TWSG1: variants seen among roughly 807,000 people sequenced by gnomAD.
TWSG1 encodes the protein twisted gastrulation BMP signaling modulator 1.
A neutral mutation model predicts 23.0 loss-of-function variants in TWSG1; 15 were observed. The observed-to-expected ratio is 0.65, with a 90% CI of 0.44 to 1.00. TWSG1 has a LOEUF of 1.00. TWSG1 is among the 50% of genes least tolerant of loss of function. TWSG1 has a pLI of 0.00. For synonymous variants in TWSG1, 86 were observed against 92.8 expected (o/e 0.93, Z 0.42); for missense variants, 242 against 278.7 (o/e 0.87, Z 0.94).
intron 3 of TWSG1, among the ~76,000 whole-genome samples, chr18:9,364,224 C>T (rs1299384470): frequency 6.6e-6 from 1 of 152,124 alleles, no homozygotes; most frequent in African/African-American, 2.4e-5. Flanking sequence ...GGTTATTTAA[C>T]TTGTTAGTTG....
rs189340419 is a variant in TWSG1, at chr18:9,359,969, T to C, written c.124-3T>C. On this transcript the variant is annotated splice_region_variant and splice_polypyrimidine_tract_variant and intron_variant, in intron 2 of 4. Coordinates refer to ENST00000262120, the MANE Select transcript of TWSG1 (RefSeq NM_020648.6). ...TGAAGTTTAACATCTGTCTTGTTTC[T>C]AGGAGCTCTGCCAGTGCCGGCCGGG... The C allele has an allele frequency of 1.2e-4, 192 of 1,612,396 alleles. 2 individuals are homozygous for C. In the East Asian group the frequency reaches 4.1e-3, roughly 35 times the overall value.
Position 9,399,624 on chromosome 18 carries a change from A to C in TWSG1, c.*97A>C. The C allele has an allele frequency of 9.0e-7, 1 of 1,114,678 alleles. No homozygotes were observed. Among genetic ancestry groups the C allele is most frequent in the African/African-American group, 1.6e-5 (1 of 62,872 alleles). 69.0% of individuals were successfully genotyped at this position (1,114,678 alleles called of 1,614,324 possible). ...TTGTATCTTGTATCAGAATCCCAGT[A>C]AGTTAAGTTGTAAAGACTTTGGAAT... is the stretch of plus-strand genomic sequence containing the variant. On this transcript the variant is annotated 3_prime_UTR_variant, in exon 5 of 5. Coordinates refer to ENST00000262120, the MANE Select transcript of TWSG1 (RefSeq NM_020648.6).
intron 2 of TWSG1, among the ~76,000 whole-genome samples, chr18:9,354,980 G>C (rs982871328): frequency 2.0e-5 from 3 of 151,356 alleles, no homozygotes; most frequent in Non-Finnish European, 2.9e-5. Flanking sequence ...TTTTGAGACA[G>C]AGTCTCGCTC....
Position 9,360,008 on chromosome 18 carries a change from T to C in TWSG1, c.160T>C (p.Ser54Pro). 5 of 1,613,764 alleles carry C rather than the reference T, an allele frequency of 3.1e-6. No individual in the cohort carries two copies. The highest frequency in any genetic ancestry group is 2.5e-6 in the Non-Finnish European group (3 of 1,179,744). ...GTGCCGGCCGGGAGAAGGCAATTGC[T>C]CCTGCTGTAAGGAGTGCATGCTGTG... ...CQCRPGEGNC[S>P]CCKECMLCLG... is the part of the protein sequence containing the mutation. Residue 54 changes from serine to proline, a missense_variant, in exon 3 of 5, where the codon TCC becomes CCC. Coordinates refer to ENST00000262120, the MANE Select transcript of TWSG1 (RefSeq NM_020648.6).
chr18:9,367,825 G>C (rs2040587016), intron 3 of TWSG1, among the ~76,000 whole-genome samples: 1 of 152,116 alleles, frequency 6.6e-6, no homozygotes, highest in African/African-American at 2.4e-5. Flanking sequence ...TTTTAAGGCT[G>C]AATAGTATTC....
intron 3 of TWSG1, among the ~76,000 whole-genome samples, chr18:9,371,703 A>G (rs1474228372): frequency 6.6e-6 from 1 of 152,216 alleles, no homozygotes; most frequent in Non-Finnish European, 1.5e-5. Flanking sequence ...GACATTTTAA[A>G]AAGAAGTTCT....
chr18:9,368,197 TTTTTG>T (rs2040588453), intron 3 of TWSG1, among the ~76,000 whole-genome samples: 1 of 152,036 alleles, frequency 6.6e-6, no homozygotes, highest in Non-Finnish European at 1.5e-5. Flanking sequence ...TGTGGTGTTT[TTTTTG>T]TTTTGTTTTG....
At chr18:9,355,646 G>T (rs964482666) in intron 2 of TWSG1, among the ~76,000 whole-genome samples, 2 of 152,182 alleles carry the variant, frequency 1.3e-5, no homozygotes, top group African/African-American at 4.8e-5. Flanking sequence ...AAAAACAGTA[G>T]TCATAGAGTA....
rs567815149 is a variant in TWSG1 at position 9,393,020 on chromosome 18, G to A, written c.224-3260G>A. Among the ~76,000 whole-genome samples, 3 of 152,268 alleles carry A rather than the reference G, an allele frequency of 2.0e-5. No homozygotes were observed. In the East Asian group the frequency reaches 5.8e-4, roughly 29 times the overall value. On this transcript the variant is annotated intron_variant, in intron 3 of 4. Transcript: ENST00000262120. ...ATTACAATAGTAACATCAAAGATTA[G>A]TAATCACAGATCGCCATAACTGTTA...
chr18:9,386,033 G>C (rs1307029201), intron 3 of TWSG1, among the ~76,000 whole-genome samples: 3 of 151,904 alleles, frequency 2.0e-5, no homozygotes, highest in African/African-American at 7.3e-5. Flanking sequence ...GCTAGGCGTG[G>C]TGGCGCATGC....
At position 9,360,200 on chromosome 18, in the gene TWSG1, C is replaced by G. The variant is rs981496589; in HGVS notation, c.223+129C>G. 4 of 613,406 alleles carry G rather than the reference C, an allele frequency of 6.5e-6. No individual in the cohort carries two copies. The South Asian group carries it at 9.7e-5, about 15-fold the overall frequency. The allele number at this position is 613,406 out of a possible 1,614,324, so 38.0% of individuals were successfully genotyped here. A position where few individuals can be genotyped will look rare whatever the true frequency, so the allele number is the denominator to read the frequency against. On this transcript the variant is annotated intron_variant, in intron 3 of 4. Transcript: ENST00000262120. ...ATGTGTGTGAAATATAGTAAACATA[C>G]AGAACATTGTATTTTTACATTCAAT...
intron 3 of TWSG1, among the ~76,000 whole-genome samples, 174 bp from the exon 4 acceptor site, chr18:9,396,106 G>A (rs1156872298): frequency 7.4e-6 from 1 of 135,542 alleles, no homozygotes; most frequent in African/African-American, 2.9e-5. Flanking sequence ...TATGCTTGAA[G>A]CTACTGGGGT....
chr18:9,383,781 A>T (rs969780120), intron 3 of TWSG1, among the ~76,000 whole-genome samples: 3 of 152,210 alleles, frequency 2.0e-5, no homozygotes, highest in Non-Finnish European at 4.4e-5. Context: ...AATCAGTATC[A>T]TTAAGGAATT....
rs1338770754 is a variant in TWSG1, at chr18:9,385,552, G to A, written c.224-10728G>A. Among the ~76,000 whole-genome samples the A allele has an allele frequency of 6.3e-5, 6 of 95,520 alleles. 2 individuals carry two copies. The highest frequency in any genetic ancestry group is 2.4e-4 in the East Asian group (1 of 4,246). The allele number at this position is 95,520 out of a possible 152,430, so 62.7% of individuals were successfully genotyped here. On this transcript the variant is annotated intron_variant, in intron 3 of 4. Transcript: ENST00000262120. ...AAAATACAAAAAATTAGCCGGGCGC[G>A]GTGGCGGGCGCCTGTAGTCCCAGCT...
intron 2 of TWSG1, among the ~76,000 whole-genome samples, chr18:9,339,630 T>C (rs1431031892): frequency 6.6e-6 from 1 of 151,886 alleles, no homozygotes; most frequent in Non-Finnish European, 1.5e-5. Flanking sequence ...ATTAAAAAAA[T>C]TTAAAAAATT....
At chr18:9,381,849 C>G (rs1460970967) in intron 3 of TWSG1, among the ~76,000 whole-genome samples, 1 of 116,768 alleles carries the variant, frequency 8.6e-6, no homozygotes, top group Non-Finnish European at 2.0e-5. Context: ...ATAAATTTAC[C>G]TGAGCTTTAC....
chr18:9,364,850 C>T (rs1568034980), intron 3 of TWSG1, among the ~76,000 whole-genome samples: 1 of 151,826 alleles, frequency 6.6e-6, no homozygotes, highest in Non-Finnish European at 1.5e-5. Flanking sequence ...CTATTTTTAT[C>T]ATTACTTCTG....
rs778726029 is a variant in TWSG1 at position 9,396,342 on chromosome 18, C to G, written c.286C>G (p.Leu96Val). The change falls in exon 4 of 5, where the codon CTG (leucine) becomes GTG (valine). Residue 96 changes from leucine to valine, a missense_variant. Physicochemically the swap from Leu to Val is conservative, Grantham distance 32 (BLOSUM62 1). Transcript: ENST00000262120. ...PPTSKSTVEE[L>V]HEPIPSLFRA... ...AACTTCAAAGAGCACAGTGGAGGAGCTGCATGAACCGATCCCTTCTCTCTT... is the reference window on the plus strand; with the variant it reads ...AACTTCAAAGAGCACAGTGGAGGAGGTGCATGAACCGATCCCTTCTCTCTT... 21 of 1,614,004 alleles carry G rather than the reference C, an allele frequency of 1.3e-5. No homozygotes were observed. The South Asian group carries it at 2.3e-4, about 18-fold the overall frequency.
rs76733034 is a variant in TWSG1 at position 9,342,978 on chromosome 18, G to A, written c.123+5626G>A. Among the ~76,000 whole-genome samples the A allele has an allele frequency of 6.9e-3, 1,048 of 152,096 alleles. 12 individuals carry two copies. The highest frequency in any genetic ancestry group is 0.024 in the African/African-American group (991 of 41,480). ...GGAGACATTTCTCTATTATCTAATA[G>A]CATTCCATATTGCCAATAAGAAGTC... On this transcript the variant is annotated intron_variant, in intron 2 of 4. Transcript: ENST00000262120.
Sources: allele counts gnomAD v4.1 joint callset (sites outside exome capture counted in the v4.1 genomes callset), GRCh38; gene constraint gnomAD v4.1.1; transcripts MANE v1.5; gene names NCBI Gene and HGNC (gene_info 2026-07-23, HGNC 2026-07-21).